Variants in LYG2 observed in about 807,000 individuals in gnomAD.
The protein encoded by LYG2 is lysozyme g2, also known as lysozyme g-like protein 2.
Under a neutral mutation model 22.4 loss-of-function variants are expected in LYG2, and 25 were observed. The ratio of observed to expected loss-of-function variants is 1.12; its 90% CI spans 0.81 to 1.56. The LOEUF is 1.56. Among genes scored for constraint, LYG2 ranks in the 40% most tolerant of loss-of-function variants. The pLI is 0.00. For synonymous variants in LYG2, 88 were observed against 97.0 expected, an observed-to-expected ratio of 0.91 and a Z score of 0.55; for missense variants, 266 against 269.5, an observed-to-expected ratio of 0.99 and a Z score of 0.09.
At chr2:99,248,663 G>A (rs1327544233) in intron 3 of LYG2, among the ~76,000 whole-genome samples, 1 of 150,350 alleles carries the variant, frequency 6.7e-6, no homozygotes, top group African/African-American at 2.4e-5. Flanking sequence ...CAGCACACCA[G>A]CATGGCACAT....
At chr2:99,250,459 C>T (rs2105273652) in intron 3 of LYG2, among the ~76,000 whole-genome samples, 1 of 150,602 alleles carries the variant, frequency 6.6e-6, no homozygotes, top group African/African-American at 2.4e-5. Flanking sequence ...ACTGCAAGCT[C>T]CGCCTCCTGG....
chr2:99,258,000 AGGTTAGCACTTTT>A (rs1371970262), upstream of LYG2, among the ~76,000 whole-genome samples: 2 of 152,186 alleles, frequency 1.3e-5, no homozygotes, highest in Non-Finnish European at 2.9e-5. Flanking sequence ...GAGCTACCCT[AGGTTAGCACTTTT>A]GGGAGTTAAA....
At chr2:99,243,343 G>A (rs1329028520) in intron 6 of LYG2, 2 of 1,181,934 alleles carry the variant, frequency 1.7e-6, no homozygotes, top group Admixed American at 2.5e-5. Context: ...GAACTTGAGG[G>A]GGCCTGTGGT....
intron 3 of LYG2, among the ~76,000 whole-genome samples, chr2:99,249,643 C>T (rs2094022714): frequency 6.6e-6 from 1 of 151,190 alleles, no homozygotes; most frequent in Admixed American, 6.6e-5. Context: ...TGCCTGTAAT[C>T]CCAGCTACTC....
chr2:99,259,286 G>GA (rs1457198159), upstream of LYG2, among the ~76,000 whole-genome samples: 5 of 148,760 alleles, frequency 3.4e-5, no homozygotes, highest in African/African-American at 9.9e-5. Flanking sequence ...AAAGAGAAAA[G>GA]AAAAAAAAAG....
intron 5 of LYG2, 98 bp from the exon 6 acceptor site, chr2:99,244,235 G>C (rs935044719): frequency 8.4e-7 from 1 of 1,186,376 alleles, no homozygotes. Context: ...CATAGATACC[G>C]GCCTTTATCC....
In LYG2 at chr2:99,253,016, T is replaced by A. The variant is rs577927467; in HGVS notation, c.43+1202A>T. 5.7e-5 allele frequency among the ~76,000 whole-genome samples: 7 copies of A among 122,326 alleles called. No individual in the cohort carries two copies. The East Asian group carries it at 1.9e-3, about 32-fold the overall frequency. 80.3% of individuals were successfully genotyped at this position (122,326 alleles called of 152,430 possible). On this transcript the variant is annotated intron_variant, in intron 3 of 6. Coordinates refer to ENST00000333017, the MANE Select transcript of LYG2 (RefSeq NM_175735.4). ...GAGCTGAGATCGCACCACTGCACTC[T>A]CCAGCCTGGGCGACAGAGCAAGACT...
Position 99,246,854 on chromosome 2 carries a change from C to T in LYG2, c.44-34G>A. 5.0e-6 allele frequency: 8 copies of T among 1,594,536 alleles called. No homozygotes were observed. In the South Asian group the frequency reaches 9.2e-5, roughly 18 times the overall value. On this transcript the variant is annotated intron_variant, in intron 3 of 6. Coordinates refer to ENST00000333017, the MANE Select transcript of LYG2 (RefSeq NM_175735.4). ...CAGAAGTGTAACTCACATGAATCCT[C>T]TGAGAAGATATTACTTGGGTTGCTG...
At chr2:99,243,372 C>G in intron 6 of LYG2, 1 of 1,499,144 alleles carries the variant, frequency 6.7e-7, no homozygotes. Context: ...CAGAGATTTC[C>G]ACTTGGATAT....
At chr2:99,245,160 G>A (rs2094013532) in intron 5 of LYG2, 102 bp downstream of exon 5, 1 of 1,296,220 alleles carries the variant, frequency 7.7e-7, no homozygotes, top group African/African-American at 1.5e-5. Flanking sequence ...AGATGCCAGG[G>A]TATTTTGGGG....
In LYG2 at chr2:99,250,535, C is replaced by T. The variant is rs762852421; in HGVS notation, c.43+3683G>A. On this transcript the variant is annotated intron_variant, in intron 3 of 6. Coordinates refer to ENST00000333017, the MANE Select transcript of LYG2 (RefSeq NM_175735.4). ...GACTACAGGCGCCTGCCATCACACC[C>T]GGCTAATTTTTTGTATTTTTAGTAG... Among the ~76,000 whole-genome samples the T allele has an allele frequency of 1.2e-4, 19 of 152,210 alleles. 1 individual carries two copies. The highest frequency in any genetic ancestry group is 9.7e-4 in the East Asian group (5 of 5,166).
Position 99,246,720 on chromosome 2 carries a change from G to A in LYG2, c.144C>T (p.Thr48=). 1 of 1,614,154 alleles carries A rather than the reference G, an allele frequency of 6.2e-7. No homozygotes were observed. Among genetic ancestry groups the A allele is most frequent in the Non-Finnish European group, 8.5e-7 (1 of 1,180,016 alleles). Reference sequence around the variant, plus strand: ...TGTTTGCATCACAAGTGGCCCCAGAGGTCTTCATGGTCATGATGTCCCCAT... The same window carrying A: ...TGTTTGCATCACAAGTGGCCCCAGAAGTCTTCATGGTCATGATGTCCCCAT... ...GCYGDIMTMK[T]SGATCDANSV... is the part of the protein sequence containing the mutation. The change falls in exon 4 of 7, where the codon ACC becomes ACT. Residue 48 remains threonine (T), a synonymous_variant. Coordinates refer to ENST00000333017, the MANE Select transcript of LYG2 (RefSeq NM_175735.4).
At chr2:99,244,926 C>G (rs996336531) in intron 5 of LYG2, among the ~76,000 whole-genome samples, 1 of 151,888 alleles carries the variant, frequency 6.6e-6, no homozygotes, top group South Asian at 2.1e-4. Context: ...GCCTGGCCAA[C>G]AAGGTGAAAT....
Sources: allele counts gnomAD v4.1 joint callset (sites outside exome capture counted in the v4.1 genomes callset), GRCh38; gene constraint gnomAD v4.1.1; transcripts MANE v1.5; gene names NCBI Gene and HGNC (gene_info 2026-07-23, HGNC 2026-07-21).